Variants in SGCD observed in about 807,000 individuals in gnomAD.
SGCD encodes the protein sarcoglycan delta.
A neutral mutation model predicts 36.6 loss-of-function variants in SGCD; 18 were observed. That is an observed-to-expected ratio of 0.49 (90% CI 0.34 to 0.73). The LOEUF (loss-of-function observed/expected upper bound fraction) is 0.73. Ranked by LOEUF, SGCD falls within the 30% of genes least tolerant of loss-of-function variation. The pLI is 0.01. For synonymous variants in SGCD, 133 were observed against 130.6 expected, an observed-to-expected ratio of 1.02 and a Z score of -0.12; for missense variants, 387 against 346.7, an observed-to-expected ratio of 1.12 and a Z score of -0.92.
At chr5:155,825,863 C>T in the SGCD span, among the ~76,000 whole-genome samples, 1 of 152,040 alleles carries the variant, frequency 6.6e-6, no homozygotes, top group Non-Finnish European at 1.5e-5. Flanking sequence ...ATTCTTGTGC[C>T]TCAGCCTCTC....
intron 6 of SGCD, among the ~76,000 whole-genome samples, chr5:156,620,221 A>C (rs897230313): frequency 6.6e-6 from 1 of 152,168 alleles, no homozygotes; most frequent in Non-Finnish European, 1.5e-5. Context: ...AATTATGTCA[A>C]GTACTCAATG....
At chr5:156,511,034 T>C (rs1358446342) in intron 4 of SGCD, among the ~76,000 whole-genome samples, 1 of 152,186 alleles carries the variant, frequency 6.6e-6, no homozygotes, top group East Asian at 1.9e-4. Flanking sequence ...AAAGTAACAA[T>C]ACTTACGTTT....
chr5:156,411,922 C>T (rs1408005636), intron 3 of SGCD, among the ~76,000 whole-genome samples: 1 of 151,966 alleles, frequency 6.6e-6, no homozygotes, highest in Admixed American at 6.5e-5. Flanking sequence ...TTTGTTATTT[C>T]CTACCTGACA....
At chr5:156,085,198 C>G (rs1761063325) in intron 1 of SGCD, among the ~76,000 whole-genome samples, 1 of 151,858 alleles carries the variant, frequency 6.6e-6, no homozygotes, top group African/African-American at 2.4e-5. Context: ...CTGTCTCTAT[C>G]TGGTTTTGAT....
intron 1 of SGCD, among the ~76,000 whole-genome samples, chr5:155,952,693 C>T (rs1376447367): frequency 2.0e-5 from 3 of 152,196 alleles, no homozygotes; most frequent in Non-Finnish European, 4.4e-5. Context: ...CCGTCAGCCC[C>T]TAAAGATAGC....
intron 1 of SGCD, among the ~76,000 whole-genome samples, chr5:156,092,234 T>C (rs548353255): frequency 9.1e-4 from 138 of 152,184 alleles, no homozygotes; most frequent in Admixed American, 2.7e-3. Context: ...TACCTTCTAT[T>C]CTCTGGAGCT....
chr5:156,695,138 T>TTGTG (rs35024208), intron 7 of SGCD, among the ~76,000 whole-genome samples: 2,013 of 145,874 alleles, frequency 0.014, 13 homozygotes, highest in Non-Finnish European at 0.02. Context: ...GTGTGTGTGT[T>TTGTG]TGTGTGTGTG....
intron 1 of SGCD, among the ~76,000 whole-genome samples, chr5:155,948,356 T>C (rs1198116623): frequency 6.6e-6 from 1 of 152,220 alleles, no homozygotes; most frequent in East Asian, 1.9e-4. Context: ...ACTCAACATA[T>C]ACATTTTGCT....
intron 7 of SGCD, among the ~76,000 whole-genome samples, chr5:156,706,675 G>C (rs1561867644): frequency 6.6e-6 from 1 of 152,092 alleles, no homozygotes; most frequent in Non-Finnish European, 1.5e-5. Context: ...AGAGTCCCCA[G>C]AATTACCTGG....
At chr5:156,346,951 C>T (rs922298550) in intron 3 of SGCD, among the ~76,000 whole-genome samples, 3 of 151,946 alleles carry the variant, frequency 2.0e-5, no homozygotes, top group Non-Finnish European at 4.4e-5. Flanking sequence ...GTGCGCACCA[C>T]CACGCCCAGC....
At chr5:155,939,404 G>T (rs193091351) in intron 1 of SGCD, among the ~76,000 whole-genome samples, 58 of 152,160 alleles carry the variant, frequency 3.8e-4, no homozygotes, top group African/African-American at 1.3e-3. Context: ...ACTTTGGGAG[G>T]CTGAGGTGGG....
At chr5:156,456,223 T>G (rs1260374412) in intron 3 of SGCD, among the ~76,000 whole-genome samples, 2 of 152,140 alleles carry the variant, frequency 1.3e-5, no homozygotes, top group African/African-American at 4.8e-5. Flanking sequence ...TGGCACTTGA[T>G]AGGAAAAGCC....
At chr5:156,296,307 A>G (rs984450311) in intron 3 of SGCD, among the ~76,000 whole-genome samples, 1 of 152,236 alleles carries the variant, frequency 6.6e-6, no homozygotes, top group Non-Finnish European at 1.5e-5. Flanking sequence ...GCAGAGAACT[A>G]GAGACGGTGT....
At chr5:155,880,864 GATCT>G (rs879684773) in intron 1 of SGCD, among the ~76,000 whole-genome samples, 1 of 152,008 alleles carries the variant, frequency 6.6e-6, no homozygotes, top group Non-Finnish European at 1.5e-5. Context: ...GTCTGAACCA[GATCT>G]ATCTTTCTGG....
At chr5:156,420,942 G>A (rs572344633) in intron 3 of SGCD, among the ~76,000 whole-genome samples, 75 of 152,156 alleles carry the variant, frequency 4.9e-4, no homozygotes, top group African/African-American at 1.7e-3. Flanking sequence ...TTTATAGACT[G>A]GGGCTTTCAA....
At chr5:155,934,973 A>T (rs570999980) in intron 1 of SGCD, among the ~76,000 whole-genome samples, 27 of 152,302 alleles carry the variant, frequency 1.8e-4, no homozygotes, top group Admixed American at 1.6e-3. Flanking sequence ...GTGTTCACAG[A>T]TAGACAACTG....
chr5:156,328,673 G>C lies in SGCD; in HGVS notation c.-43-861G>C, dbSNP rs146948748. Among the ~76,000 whole-genome samples, 703 of 152,206 alleles carry C rather than the reference G, an allele frequency of 4.6e-3. 5 individuals carry two copies. Among genetic ancestry groups the C allele is most frequent in the African/African-American group, 0.016 (664 of 41,534 alleles). Reference sequence around the variant, plus strand: ...TTTTCTTCCAAGTGTTGTACTTGGAGGAGGGACCTGGGACAGGACTGGCAG... The same window carrying C: ...TTTTCTTCCAAGTGTTGTACTTGGACGAGGGACCTGGGACAGGACTGGCAG... On this transcript the variant is annotated intron_variant, in intron 1 of 8. Transcript: ENST00000337851.
At chr5:156,657,452 T>A (rs1013017702) in intron 7 of SGCD, among the ~76,000 whole-genome samples, 3 of 141,458 alleles carry the variant, frequency 2.1e-5, no homozygotes, top group Non-Finnish European at 4.6e-5. Flanking sequence ...TGTGTCCATG[T>A]GTTCTCATTA....
Position 155,905,881 on chromosome 5 carries a change from A to G in SGCD, c.-282+35457A>G, listed in dbSNP as rs561326579. Among the ~76,000 whole-genome samples, 11 of 152,214 alleles carry G rather than the reference A, an allele frequency of 7.2e-5. No individual in the cohort carries two copies. In the East Asian group the frequency reaches 7.7e-4, roughly 11 times the overall value. ...CCTCCCCAGCCACGTGGAACTGTAAATCCAATGAAACCCTTTTTCTTCTCA... is the reference window on the plus strand; with the variant it reads ...CCTCCCCAGCCACGTGGAACTGTAAGTCCAATGAAACCCTTTTTCTTCTCA... On this transcript the variant is annotated intron_variant, in intron 1 of 9. Coordinates refer to the SGCD transcript ENST00000517913.
Sources: allele counts gnomAD v4.1 joint callset (sites outside exome capture counted in the v4.1 genomes callset), GRCh38; gene constraint gnomAD v4.1.1; transcripts MANE v1.5; gene names NCBI Gene and HGNC (gene_info 2026-07-23, HGNC 2026-07-21).